Variants in PUM1 observed in about 807,000 individuals in gnomAD.
PUM1 encodes the protein pumilio homolog 1.
In PUM1, 13 loss-of-function variants were observed where a neutral mutation model predicts 131.8. That is an observed-to-expected ratio of 0.10 (90% CI 0.06 to 0.16). PUM1 has a LOEUF of 0.16. Among genes scored for constraint, PUM1 ranks in the 10% least tolerant of loss-of-function variants. PUM1 has a pLI of 1.00. For missense variants in PUM1, 961 were observed against 1,512.4 expected, an observed-to-expected ratio of 0.64 and a Z score of 6.05; for synonymous variants, 509 against 556.5, an observed-to-expected ratio of 0.91 and a Z score of 1.20.
rs918187106 is a variant in PUM1 at position 31,065,531 on chromosome 1, C to G, written c.-12+85G>C. ...CCAAAGCCCTTCTCACCCCCACAAC[C>G]ACTCTCAAACACCAATATGAAGGGA... On this transcript the variant is annotated intron_variant, in intron 1 of 21. Transcript: ENST00000426105. 83 of 1,470,012 alleles carry G rather than the reference C, an allele frequency of 5.6e-5. No individual in the cohort carries two copies. In the African/African-American group the frequency reaches 1.1e-3, roughly 19 times the overall value. The allele number at this position is 1,470,012 out of a possible 1,614,324, so 91.1% of individuals were successfully genotyped here.
intron 17 of PUM1, among the ~76,000 whole-genome samples, chr1:30,948,779 TAAA>T (rs901151477): frequency 4.0e-5 from 4 of 98,856 alleles, no homozygotes; most frequent in Non-Finnish European, 8.7e-5. Flanking sequence ...ACAAGAAAAT[TAAA>T]GAAGAACAAT....
intron 2 of PUM1, among the ~76,000 whole-genome samples, chr1:31,031,990 A>G (rs1028580090): frequency 4.0e-5 from 6 of 148,948 alleles, no homozygotes; most frequent in African/African-American, 4.9e-5. Context: ...CCTCATTTAT[A>G]TAAGAACCAC....
chr1:31,051,646 C>T (rs1485813122), intron 2 of PUM1, among the ~76,000 whole-genome samples: 1 of 151,670 alleles, frequency 6.6e-6, no homozygotes, highest in Admixed American at 6.6e-5. Context: ...CTGGAATTAT[C>T]TCCTATAGGC....
At chr1:30,951,476 ATTTGT>A (rs2124411861) in intron 16 of PUM1, among the ~76,000 whole-genome samples, 1 of 152,312 alleles carries the variant, frequency 6.6e-6, no homozygotes, top group South Asian at 2.1e-4. Flanking sequence ...ACATTTACAA[ATTTGT>A]TTTGTGGTAG....
intron 3 of PUM1, among the ~76,000 whole-genome samples, chr1:31,008,555 G>A (rs1002607080): frequency 1.3e-5 from 2 of 152,050 alleles, no homozygotes; most frequent in Non-Finnish European, 2.9e-5. Flanking sequence ...AAAGAGCCCC[G>A]ATCGAGGGTA....
chr1:30,973,240 T>C (rs953434249), intron 10 of PUM1, among the ~76,000 whole-genome samples: 1 of 142,508 alleles, frequency 7.0e-6, no homozygotes, highest in African/African-American at 2.8e-5. Flanking sequence ...TTTTCTGTAA[T>C]TGTGTGGAAT....
intron 12 of PUM1, 139 bp downstream of exon 12, chr1:30,967,028 T>C: frequency 1.9e-6 from 2 of 1,040,258 alleles, no homozygotes; most frequent in African/African-American, 1.6e-5. Flanking sequence ...TTATTGCTTC[T>C]GATCTCTTTT....
At chr1:30,948,891 T>C (rs961639483) in intron 17 of PUM1, among the ~76,000 whole-genome samples, 1 of 152,240 alleles carries the variant, frequency 6.6e-6, no homozygotes, top group African/African-American at 2.4e-5. Flanking sequence ...TAATTACTTA[T>C]ACTTTCTTAT....
Position 30,966,078 on chromosome 1 carries a change from C to A in PUM1, c.1990G>T (p.Gly664Cys). 1 of 1,614,154 alleles carries A rather than the reference C, an allele frequency of 6.2e-7. No homozygotes were observed. Among genetic ancestry groups the A allele is most frequent in the Non-Finnish European group, 8.5e-7 (1 of 1,180,024 alleles). ...GATGTGTTGGCAGGCTGGGCAGAGC[C>A]CTGGGAGAAGAGGGAGCTGCTCTGT... ...NSQSSSLFSQ[G>C]SAQPANTSLG... is the part of the protein sequence containing the mutation. The change falls in exon 13 of 22, where the codon GGC (glycine) becomes TGC (cysteine). Residue 664 changes from glycine (G) to cysteine (C), a missense_variant. By Grantham distance (159) the Gly-to-Cys change is radical. Coordinates refer to ENST00000426105, the MANE Select transcript of PUM1 (RefSeq NM_001020658.2).
At chr1:30,996,630 G>C (rs1051135588) in intron 5 of PUM1, among the ~76,000 whole-genome samples, 9 of 152,200 alleles carry the variant, frequency 5.9e-5, no homozygotes, top group Non-Finnish European at 8.8e-5. Context: ...CATCAAAACA[G>C]TAAACCACAG....
At position 30,981,298 on chromosome 1, in the gene PUM1, G is replaced by C. The variant is rs199676423; in HGVS notation, c.1252+14C>G. 7.6e-5 allele frequency: 117 copies of C among 1,545,730 alleles called. No individual in the cohort carries two copies. The African/African-American group carries it at 1.4e-3, about 18-fold the overall frequency. On this transcript the variant is annotated intron_variant, in intron 8 of 21. Transcript: ENST00000426105. ...CACACCTATCATGAAAGAGCTATGG[G>C]CTTAAGGACTTACCGATGTGCGGCT...
intron 14 of PUM1, 32 bp downstream of exon 14, chr1:30,964,642 G>C: frequency 1.3e-6 from 2 of 1,549,590 alleles, no homozygotes; most frequent in Non-Finnish European, 1.8e-6. Context: ...GAGTTCTAGA[G>C]TTCAAGGTGG....
intron 9 of PUM1, among the ~76,000 whole-genome samples, chr1:30,976,219 T>A (rs1392568628): frequency 1.3e-5 from 2 of 152,176 alleles, no homozygotes; most frequent in East Asian, 3.8e-4. Flanking sequence ...TATGCAGATA[T>A]CAACCCAAGT....
intron 3 of PUM1, among the ~76,000 whole-genome samples, chr1:31,010,863 G>C (rs1642585844): frequency 6.6e-6 from 1 of 152,182 alleles, no homozygotes; most frequent in Admixed American, 6.5e-5. Flanking sequence ...GCAACTATGA[G>C]GCTTAAACAA....
At chr1:31,014,055 A>G (rs564675907) in intron 3 of PUM1, among the ~76,000 whole-genome samples, 5 of 152,328 alleles carry the variant, frequency 3.3e-5, no homozygotes, top group East Asian at 3.9e-4. Context: ...CAATCCCAGC[A>G]CTTTGGGAGG....
intron 2 of PUM1, among the ~76,000 whole-genome samples, chr1:31,052,780 C>A (rs1023288688): frequency 5.9e-5 from 9 of 151,302 alleles, no homozygotes; most frequent in African/African-American, 1.9e-4. Flanking sequence ...CTCACTGCAA[C>A]CTCTGCCCTG....
At chr1:30,941,484 CA>C (rs1218727127) in intron 19 of PUM1, among the ~76,000 whole-genome samples, 3 of 152,084 alleles carry the variant, frequency 2.0e-5, no homozygotes, top group Non-Finnish European at 4.4e-5. Flanking sequence ...ATAGAATATA[CA>C]TATTCATTTT....
In PUM1 at chr1:31,056,609, C is replaced by CTTT. The variant is rs57685772; in HGVS notation, c.363+2592_363+2594dup. On this transcript the variant is annotated intron_variant, in intron 2 of 21. Transcript: ENST00000426105. ...CAGCTGAAAACCTTCCTTTTCTTTT[C>CTTT]TTTTTTTTTTTTTTTTTTTTTTTTT... 5.8e-3 allele frequency among the ~76,000 whole-genome samples: 253 copies of CTTT among 43,688 alleles called. 38 individuals are homozygous for CTTT. Among genetic ancestry groups the CTTT allele is most frequent in the Middle Eastern group, 0.028 (1 of 36 alleles). The allele number at this position is 43,688 out of a possible 152,430, so 28.7% of individuals were successfully genotyped here.
intron 5 of PUM1, among the ~76,000 whole-genome samples, chr1:31,003,787 T>A (rs534113075): frequency 6.6e-6 from 1 of 152,304 alleles, no homozygotes; most frequent in African/African-American, 2.4e-5. Flanking sequence ...ATCAGTTCAC[T>A]GAGCCACAGG....
Sources: gnomAD v4.1 joint callset for allele counts (sites outside exome capture counted in the v4.1 genomes callset) on GRCh38, gnomAD v4.1.1 for gene constraint, MANE v1.5 for transcripts, NCBI Gene and HGNC (gene_info 2026-07-23, HGNC 2026-07-21) for gene names.